Variants in ELAPOR1 observed in about 807,000 individuals in gnomAD.
ELAPOR1 encodes endosome/lysosome-associated apoptosis and autophagy regulator 1.
In ELAPOR1, 77 loss-of-function variants were observed where a neutral mutation model predicts 119.7. The ratio of observed to expected loss-of-function variants is 0.64; its 90% CI spans 0.54 to 0.78. The LOEUF is 0.78. Ranked by LOEUF, ELAPOR1 falls within the 30% of genes least tolerant of loss-of-function variation. The pLI, the probability that ELAPOR1 is intolerant of heterozygous loss-of-function variation, is 0.00. For missense variants in ELAPOR1, 1,115 were observed against 1,270.4 expected (o/e 0.88, Z 1.86); for synonymous variants, 481 against 487.2 (o/e 0.99, Z 0.17).
chr1:109,173,900 A>G lies in ELAPOR1; in HGVS notation c.952+63A>G. 5 of 1,554,832 alleles carry G rather than the reference A, an allele frequency of 3.2e-6. No individual in the cohort carries two copies. The South Asian group carries it at 5.8e-5, about 18-fold the overall frequency. On this transcript the variant is annotated intron_variant, in intron 7 of 21. Transcript: ENST00000369939. ...GAGTACCACCAAAACACACAAGGAG[A>G]TACCAGGGAATAGAGCCATCCTTCT...
chr1:109,198,040 G>T lies in ELAPOR1; in HGVS notation c.2364G>T (p.Glu788Asp), dbSNP rs1653938645. ...CCCCAGCTGAACTTTTCCACCTGGA[G>T]TCCTTGGGAATACCGGACGTGATCT... is the stretch of plus-strand genomic sequence containing the variant. Reference protein sequence around the residue: ...ITSPAELFHLESLGIPDVIFF... With the variant: ...ITSPAELFHLDSLGIPDVIFF... The change falls in exon 17 of 22, where the codon GAG (glutamate) becomes GAT (aspartate). Residue 788 changes from glutamate (E) to aspartate (D), a missense_variant. Transcript: ENST00000369939. The T allele has an allele frequency of 6.2e-7, 1 of 1,613,996 alleles. No homozygotes were observed.
At chr1:109,128,115 C>T (rs908402005) in intron 1 of ELAPOR1, among the ~76,000 whole-genome samples, 2 of 152,156 alleles carry the variant, frequency 1.3e-5, no homozygotes, top group Non-Finnish European at 2.9e-5. Flanking sequence ...TTAAGTTATC[C>T]ACCTGCCTTG....
intron 2 of ELAPOR1, among the ~76,000 whole-genome samples, chr1:109,162,383 G>A (rs919937591): frequency 6.6e-6 from 1 of 152,340 alleles, no homozygotes; most frequent in African/African-American, 2.4e-5. Flanking sequence ...CATTAGGCAA[G>A]ATTGAGATTT....
intron 1 of ELAPOR1, among the ~76,000 whole-genome samples, chr1:109,129,490 C>T (rs999813735): frequency 7.2e-5 from 11 of 152,244 alleles, no homozygotes; most frequent in East Asian, 1.9e-4. Context: ...CCAGCCTGGG[C>T]GACAGAGTGA....
intron 1 of ELAPOR1, among the ~76,000 whole-genome samples, chr1:109,133,800 A>G (rs1170798902): frequency 6.6e-6 from 1 of 152,240 alleles, no homozygotes; most frequent in Non-Finnish European, 1.5e-5. Context: ...CATAAAAATA[A>G]AGAAATGGCA....
At chr1:109,125,991 T>C (rs942193406) in intron 1 of ELAPOR1, among the ~76,000 whole-genome samples, 13 of 152,186 alleles carry the variant, frequency 8.5e-5, no homozygotes, top group African/African-American at 3.1e-4. Flanking sequence ...CCTCCTCTCT[T>C]CTCTTTCACA....
Position 109,188,442 on chromosome 1 carries a change from C to T in ELAPOR1, c.1219+88C>T, listed in dbSNP as rs530019134. 100 of 1,419,634 alleles carry T rather than the reference C, an allele frequency of 7.0e-5. No individual in the cohort carries two copies. The African/African-American group carries it at 1.3e-3, about 18-fold the overall frequency. 87.9% of individuals were successfully genotyped at this position (1,419,634 alleles called of 1,614,324 possible). A position where few individuals can be genotyped will look rare whatever the true frequency, so the allele number is the denominator to read the frequency against. On this transcript the variant is annotated intron_variant, in intron 9 of 21. Transcript: ENST00000369939. ...CTAACAGTGGCCAGCTGAATGCAGA[C>T]TCTGCCCTTCCAAGGGAGGCAGTAA...
chr1:109,158,028 C>G (rs1044821066), intron 1 of ELAPOR1, among the ~76,000 whole-genome samples: 4 of 152,154 alleles, frequency 2.6e-5, no homozygotes, highest in Non-Finnish European at 5.9e-5. Flanking sequence ...GCTGGAACTA[C>G]AGGCACATGC....
At chr1:109,145,522 G>T (rs757806633) in intron 1 of ELAPOR1, among the ~76,000 whole-genome samples, 6 of 151,834 alleles carry the variant, frequency 4.0e-5, no homozygotes, top group Non-Finnish European at 8.8e-5. Context: ...TGGGCATGGT[G>T]GTGCGCACTT....
rs780827574 is a variant in ELAPOR1, at chr1:109,189,158, C to T, written c.1312C>T (p.Leu438Phe). The change falls in exon 10 of 22, where the codon CTC becomes TTC. Residue 438 changes from leucine (L) to phenylalanine (F), a missense_variant. Physicochemically the swap from Leu to Phe is conservative, Grantham distance 22. Transcript: ENST00000369939. ...TLPTNMETTVLSGINFEYKGM... is the reference protein window; with the variant it reads ...TLPTNMETTVFSGINFEYKGM... ...GCCCACAAACATGGAAACGACCGTT[C>T]TCAGTGGGATCAACTTCGAGTACAA... is the stretch of plus-strand genomic sequence containing the variant. The T allele has an allele frequency of 9.3e-6, 15 of 1,614,148 alleles. No individual in the cohort carries two copies. The South Asian group carries it at 1.6e-4, about 18-fold the overall frequency.
chr1:109,186,396 G>C (rs1249041706), intron 8 of ELAPOR1, among the ~76,000 whole-genome samples: 4 of 152,194 alleles, frequency 2.6e-5, no homozygotes, highest in African/African-American at 9.7e-5. Context: ...TCAGCACTAA[G>C]CATGATGCTT....
chr1:109,144,061 A>ATATTTTTTTTTTT lies in ELAPOR1; in HGVS notation c.154-17832_154-17831insATTTTTTTTTTTT. On this transcript the variant is annotated intron_variant, in intron 1 of 21. Transcript: ENST00000369939. ...TATATATATATATATATATTTATAT[A>ATATTTTTTTTTTT]TTTTTTTTTTTTTTTGAGATGGAGT... 4.9e-4 allele frequency among the ~76,000 whole-genome samples: 44 copies of ATATTTTTTTTTTT among 88,980 alleles called. 2 individuals carry two copies. Among genetic ancestry groups the ATATTTTTTTTTTT allele is most frequent in the African/African-American group, 1.4e-3 (29 of 20,732 alleles). 58.4% of individuals were successfully genotyped at this position (88,980 alleles called of 152,430 possible).
chr1:109,151,238 G>T (rs576465681), intron 1 of ELAPOR1, among the ~76,000 whole-genome samples: 47 of 152,258 alleles, frequency 3.1e-4, no homozygotes, highest in Non-Finnish European at 5.3e-4. Flanking sequence ...TGATCTCCAG[G>T]CAGTTTTGAT....
intron 1 of ELAPOR1, among the ~76,000 whole-genome samples, chr1:109,134,258 G>A (rs975390312): frequency 5.9e-5 from 9 of 152,060 alleles, no homozygotes; most frequent in African/African-American, 2.2e-4. Flanking sequence ...ACAGTTTCCC[G>A]GAGGAAACAT....
intron 1 of ELAPOR1, among the ~76,000 whole-genome samples, chr1:109,141,161 T>A (rs1024434001): frequency 1.3e-5 from 2 of 152,150 alleles, no homozygotes; most frequent in Non-Finnish European, 2.9e-5. Context: ...CAAATGCATT[T>A]TATATATTAT....
At chr1:109,116,029 C>A (rs547411219) in intron 1 of ELAPOR1, among the ~76,000 whole-genome samples, 1 of 152,184 alleles carries the variant, frequency 6.6e-6, no homozygotes, top group African/African-American at 2.4e-5. Flanking sequence ...GTTTAACTAC[C>A]AATTCTTGTT....
At chr1:109,175,257 CA>C (rs1290020124) in intron 7 of ELAPOR1, among the ~76,000 whole-genome samples, 1 of 151,698 alleles carries the variant, frequency 6.6e-6, no homozygotes, top group African/African-American at 2.4e-5. Flanking sequence ...TGCTCGAATG[CA>C]GTGGCGTGAT....
At chr1:109,177,630 CTA>C (rs1182204238) in intron 7 of ELAPOR1, among the ~76,000 whole-genome samples, 2 of 151,914 alleles carry the variant, frequency 1.3e-5, no homozygotes, top group Non-Finnish European at 2.9e-5. Context: ...GATCACGCCA[CTA>C]TGAGTGCAGT....
Position 109,183,831 on chromosome 1 carries a change from G to T in ELAPOR1, c.953-1214G>T, listed in dbSNP as rs570723290. Among the ~76,000 whole-genome samples the T allele has an allele frequency of 5.9e-5, 9 of 152,108 alleles. 1 individual carries two copies. In the East Asian group the frequency reaches 1.7e-3, roughly 29 times the overall value. On this transcript the variant is annotated intron_variant, in intron 7 of 21. Coordinates refer to ENST00000369939, the MANE Select transcript of ELAPOR1 (RefSeq NM_020775.5). Reference sequence around the variant, plus strand: ...AGGGTTTGCTATGTTGCCCAGGCTGGTCTTGAACTCCTGGGCTCAAGAGAT... The same window carrying T: ...AGGGTTTGCTATGTTGCCCAGGCTGTTCTTGAACTCCTGGGCTCAAGAGAT...
Sources: gnomAD v4.1 joint callset for allele counts (sites outside exome capture counted in the v4.1 genomes callset) on GRCh38, gnomAD v4.1.1 for gene constraint, MANE v1.5 for transcripts, NCBI Gene and HGNC (gene_info 2026-07-23, HGNC 2026-07-21) for gene names.